Variants in MYOF observed in about 807,000 individuals in gnomAD.
The protein encoded by MYOF is fer-1-like 3, myoferlin.
A neutral mutation model predicts 284.2 loss-of-function variants in MYOF; 244 were observed. The observed-to-expected ratio is 0.86, with a 90% CI of 0.77 to 0.95. The LOEUF (loss-of-function observed/expected upper bound fraction) is 0.95. MYOF is among the 40% of genes least tolerant of loss of function. The probability of loss-of-function intolerance (pLI) is 0.00; values close to 1 mark genes in which losing one functional copy is unlikely to be tolerated. For synonymous variants in MYOF, 904 were observed against 919.7 expected (o/e 0.98, Z 0.31); for missense variants, 2,496 against 2,560.6 (o/e 0.97, Z 0.54).
intron 9 of MYOF, among the ~76,000 whole-genome samples, 161 bp downstream of exon 9, chr10:93,403,862 T>A (rs540845251): frequency 6.6e-6 from 1 of 152,170 alleles, no homozygotes; most frequent in Non-Finnish European, 1.5e-5. Context: ...CTGTTATACT[T>A]TGGAAATAGA....
intron 6 of MYOF, 47 bp from the exon 7 acceptor site, chr10:93,408,962 G>C (rs564536402): frequency 1.9e-6 from 3 of 1,608,772 alleles, no homozygotes; most frequent in Non-Finnish European, 2.5e-6. Context: ...CCAGCACGTG[G>C]GATCCTTAGG....
chr10:93,392,211 C>T (rs1460465217), intron 17 of MYOF, among the ~76,000 whole-genome samples: 1 of 152,150 alleles, frequency 6.6e-6, no homozygotes, highest in Non-Finnish European at 1.5e-5. Flanking sequence ...TATATTTGCA[C>T]ACAGCTTCAG....
chr10:93,406,573 T>A (rs1847602950), intron 7 of MYOF, among the ~76,000 whole-genome samples: 2 of 140,402 alleles, frequency 1.4e-5, no homozygotes, highest in Admixed American at 1.4e-4. Context: ...TCCCCACCCA[T>A]CCAGTCTTGC....
intron 5 of MYOF, chr10:93,425,837 G>T (rs1004017467): frequency 1.8e-6 from 1 of 561,710 alleles, no homozygotes; most frequent in Non-Finnish European, 3.2e-6. Context: ...TGTGCTCACC[G>T]TGAGGTTGTT....
intron 3 of MYOF, among the ~76,000 whole-genome samples, chr10:93,450,502 A>T (rs1427536986): frequency 6.6e-6 from 1 of 152,232 alleles, no homozygotes; most frequent in Non-Finnish European, 1.5e-5. Flanking sequence ...TGAACTAAGG[A>T]GGCGGAGGTT....
chr10:93,453,533 ATGTGATCTACCCG>A (rs1301331439), intron 2 of MYOF, among the ~76,000 whole-genome samples: 1 of 151,966 alleles, frequency 6.6e-6, no homozygotes, highest in Admixed American at 6.6e-5. Flanking sequence ...TCCTGACCTC[ATGTGATCTACCCG>A]TCTTGGCCTC....
chr10:93,319,633 CAGTATGTG>C (rs1409390269), intron 49 of MYOF, among the ~76,000 whole-genome samples: 4 of 152,032 alleles, frequency 2.6e-5, no homozygotes, highest in South Asian at 2.1e-4. Flanking sequence ...CCTTCGCCAC[CAGTATGTG>C]AGTATGTGAG....
At chr10:93,372,859 A>C in intron 24 of MYOF, 71 bp downstream of exon 24, 1 of 1,560,208 alleles carries the variant, frequency 6.4e-7, no homozygotes, top group Non-Finnish European at 8.8e-7. Context: ...CAAATGATAT[A>C]AAGCAGACCC....
At chr10:93,448,782 G>T (rs1589587091) in intron 3 of MYOF, among the ~76,000 whole-genome samples, 1 of 152,184 alleles carries the variant, frequency 6.6e-6, no homozygotes, top group East Asian at 1.9e-4. Flanking sequence ...ATCACTTGAG[G>T]TCAGGAGTTT....
chr10:93,433,966 T>C (rs992060474), intron 3 of MYOF, among the ~76,000 whole-genome samples: 3 of 152,192 alleles, frequency 2.0e-5, no homozygotes, highest in African/African-American at 7.2e-5. Flanking sequence ...ATGAATAGGA[T>C]ATTGCACAAG....
At chr10:93,356,654 C>A in intron 30 of MYOF, 21 bp downstream of exon 30, 1 of 1,606,046 alleles carries the variant, frequency 6.2e-7, no homozygotes, top group African/African-American at 1.3e-5. Context: ...ATGATCTGCG[C>A]TCTGGCAACC....
At chr10:93,402,111 G>A (rs555466423) in intron 11 of MYOF, 121 bp downstream of exon 11, 3 of 719,534 alleles carry the variant, frequency 4.2e-6, no homozygotes, top group South Asian at 1.7e-5. Flanking sequence ...AAGAATAGGG[G>A]GAATCTGAGG....
chr10:93,469,094 A>T (rs1244729700), intron 1 of MYOF, among the ~76,000 whole-genome samples: 1 of 152,114 alleles, frequency 6.6e-6, no homozygotes, highest in Admixed American at 6.6e-5. Context: ...GTTGTTGTGG[A>T]GAACAGATAA....
intron 1 of MYOF, among the ~76,000 whole-genome samples, chr10:93,470,973 C>A (rs2057133421): frequency 6.6e-6 from 1 of 151,942 alleles, no homozygotes; most frequent in South Asian, 2.1e-4. Flanking sequence ...AAAAACATAA[C>A]ATTTTATTTA....
Position 93,326,890 on chromosome 10 carries a change from GC to G in MYOF, c.5132-926del, listed in dbSNP as rs1843072395. On this transcript the variant is annotated intron_variant, in intron 45 of 53. Transcript: ENST00000359263. The stretch of plus-strand genomic sequence containing the variant: ...TCTGCCCTCCTCGGCCTCCCAAAGT[GC>G]TGGGATTACAGGTGTGAGCCACTGT... Among the ~76,000 whole-genome samples, 3 of 152,204 alleles carry G rather than the reference GC, an allele frequency of 2.0e-5. No homozygotes were observed. In the South Asian group the frequency reaches 6.2e-4, roughly 32 times the overall value.
intron 17 of MYOF, among the ~76,000 whole-genome samples, chr10:93,392,468 C>A (rs1253778751): frequency 6.6e-6 from 1 of 152,118 alleles, no homozygotes; most frequent in Non-Finnish European, 1.5e-5. Flanking sequence ...GTGTTATGAT[C>A]CCTCATTTTG....
chr10:93,457,909 GT>G (rs140856298), intron 1 of MYOF, among the ~76,000 whole-genome samples: 1,678 of 140,892 alleles, frequency 0.012, 12 homozygotes, highest in Non-Finnish European at 0.015. Flanking sequence ...ATTTTTCTAT[GT>G]TTTTTTTTTT....
intron 38 of MYOF, among the ~76,000 whole-genome samples, chr10:93,341,575 C>A (rs1043165382): frequency 1.3e-5 from 2 of 152,162 alleles, no homozygotes; most frequent in African/African-American, 4.8e-5. Flanking sequence ...CTGTGCCCGG[C>A]CTAAAAGGCA....
rs1369570583 is a variant in MYOF, at chr10:93,351,771, C to T, written c.3557G>A (p.Trp1186Ter). The change falls in exon 33 of 54, where the codon TGG becomes TAG. Residue 1186 changes from tryptophan (W) to a stop codon, truncating the protein, a stop_gained. Transcript: ENST00000359263. LOFTEE classifies it high-confidence loss of function. ...TTCATCGAATATAATTGTTTGGTCC[C>T]ACGTGGGATTCAGGGTTGAATGGAT... The part of the protein sequence containing the change: ...EIIHSTLNPT[W>*]DQTIIFDEVE... The T allele has an allele frequency of 6.2e-7, 1 of 1,602,896 alleles. No individual in the cohort carries two copies. The highest frequency in any genetic ancestry group is 1.4e-5 in the African/African-American group (1 of 73,968).
Sources: gnomAD v4.1 joint callset for allele counts (sites outside exome capture counted in the v4.1 genomes callset) on GRCh38, gnomAD v4.1.1 for gene constraint, MANE v1.5 for transcripts, NCBI Gene and HGNC (gene_info 2026-07-23, HGNC 2026-07-21) for gene names.